The following OAS2 variants were observed in gnomAD, a reference collection of about 807,000 sequenced individuals.
OAS2 encodes the protein 2'-5'-oligoadenylate synthetase 2.
OAS2 carries 67 observed loss-of-function variants against 71.3 expected under a neutral mutation model. That is an observed-to-expected ratio of 0.94 (90% CI 0.77 to 1.15). OAS2 has a LOEUF of 1.15. Ranked by LOEUF, OAS2 falls within the 50% of genes most tolerant of loss-of-function variation. The pLI is 0.00. For missense variants in OAS2, 789 were observed against 822.5 expected, an observed-to-expected ratio of 0.96 and a Z score of 0.50; for synonymous variants, 327 against 321.8, an observed-to-expected ratio of 1.02 and a Z score of -0.17.
In OAS2 at chr12:112,978,596, CCA is replaced by C; in HGVS notation, c.-12_-11del. On this transcript the variant is annotated 5_prime_UTR_variant, in exon 1 of 10. Transcript: ENST00000392583. The surrounding 1 kb of genome is among the most constrained non-coding windows in gnomAD (Gnocchi z 4.2). ...CTACCATTCACTGTCTTGCCGGCAG[CCA>C]GCTGAGAGCAATGGGAAATGGGGAG... The C allele has an allele frequency of 1.2e-5, 19 of 1,613,512 alleles. No homozygotes were observed. The highest frequency in any genetic ancestry group is 1.5e-5 in the Non-Finnish European group (18 of 1,179,696).
intron 7 of OAS2, among the ~76,000 whole-genome samples, chr12:113,005,930 A>AAAAAAAAAAAAAAAAAAAAAAAAAAAC (rs2044330312): frequency 8.3e-6 from 1 of 120,732 alleles, no homozygotes; most frequent in Non-Finnish European, 1.8e-5. Flanking sequence ...AAAAAAAAAA[A>AAAAAAAAAAAAAAAAAAAAAAAAAAAC]AAAAAAAAAA....
intron 1 of OAS2, among the ~76,000 whole-genome samples, chr12:112,980,580 T>C (rs1049322893): frequency 6.6e-6 from 1 of 152,204 alleles, no homozygotes; most frequent in African/African-American, 2.4e-5. Context: ...CCATTCTTTT[T>C]GTGTCTGAAT....
chr12:112,978,889 A>G lies in OAS2; in HGVS notation c.177+104A>G. ...GGTGCCTATTATGTGCGAGGCCCAC[A>G]CTTGGGTGGGATGTGGTGTAGGAGT... On this transcript the variant is annotated intron_variant, in intron 1 of 9. Transcript: ENST00000392583. This position sits in a 1 kb window ranked among gnomAD's most constrained non-coding sequence, Gnocchi z 4.2. 3.7e-6 allele frequency: 4 copies of G among 1,092,904 alleles called. No homozygotes were observed. Among genetic ancestry groups the G allele is most frequent in the Non-Finnish European group, 5.2e-6 (4 of 768,744 alleles). The allele number at this position is 1,092,904 out of a possible 1,614,324, so 67.7% of individuals were successfully genotyped here.
In OAS2 at chr12:113,009,291, T is replaced by C. The variant is rs754610429; in HGVS notation, c.*36T>C. On this transcript the variant is annotated 3_prime_UTR_variant, in exon 10 of 10. Transcript: ENST00000392583. ...GTCTGGAAATAGCCCTGTAACAGGCTTGAATCAAAGAACTTCTCCTACTGT... is the reference window on the plus strand; with the variant it reads ...GTCTGGAAATAGCCCTGTAACAGGCCTGAATCAAAGAACTTCTCCTACTGT... The C allele has an allele frequency of 4.4e-6, 7 of 1,602,272 alleles. No homozygotes were observed. The highest frequency in any genetic ancestry group is 5.1e-6 in the Non-Finnish European group (6 of 1,174,698).
Position 112,978,671 on chromosome 12 carries a change from GGAATACCT to G in OAS2, c.67_74del (p.Tyr23AlafsTer18), listed in dbSNP as rs1037026002. The G allele has an allele frequency of 6.2e-7, 1 of 1,614,046 alleles. No homozygotes were observed. Among genetic ancestry groups the G allele is most frequent in the African/African-American group, 1.3e-5 (1 of 74,926 alleles). On this transcript the variant is annotated frameshift_variant, in exon 1 of 10. Transcript: ENST00000392583. LOFTEE classifies it high-confidence loss of function. This position sits in a 1 kb window ranked among gnomAD's most constrained non-coding sequence, Gnocchi z 4.2. Reference sequence around the variant, plus strand: ...CTCAGAAGCTGGGTTGGTTTATCCAGGAATACCTGAAGCCCTACGAAGAATGTCAGACA... The same window carrying G: ...CTCAGAAGCTGGGTTGGTTTATCCAGGAAGCCCTACGAAGAATGTCAGACA...
rs777530828 is a variant in OAS2, at chr12:113,006,592, T to C, written c.1648T>C (p.Tyr550His). 2.7e-5 allele frequency: 44 copies of C among 1,603,310 alleles called. No individual in the cohort carries two copies. The highest frequency in any genetic ancestry group is 3.8e-5 in the Non-Finnish European group (44 of 1,171,816). ...TTTAATTCGCCTGGTGAAGCACTGG[T>C]ACAAAGAGGTAAGGACAGTCTTTGT... ...KDLIRLVKHW[Y>H]KECERKLKPK... Residue 550 changes from tyrosine to histidine, a missense_variant, in exon 8 of 10, where the codon TAC becomes CAC. Coordinates refer to ENST00000392583, the MANE Select transcript of OAS2 (RefSeq NM_002535.3).
At position 113,009,175 on chromosome 12, in the gene OAS2, G is replaced by T. The variant is rs1474493721; in HGVS notation, c.1984G>T (p.Glu662Ter). The change falls in exon 10 of 10, where the codon GAA becomes TAA. Residue 662 changes from glutamate to a stop codon, truncating the protein, a stop_gained. Coordinates refer to ENST00000392583, the MANE Select transcript of OAS2 (RefSeq NM_002535.3). LOFTEE classifies it low-confidence loss of function (END_TRUNC). ...CWHLLAKEAK[E>*]WLSSPCFKDG... ...GCATCTTCTGGCAAAAGAAGCAAAG[G>T]AATGGTTATCCTCTCCCTGCTTCAA... The T allele has an allele frequency of 6.2e-7, 1 of 1,614,004 alleles. No homozygotes were observed. The highest frequency in any genetic ancestry group is 1.3e-5 in the African/African-American group (1 of 74,910).
At chr12:112,996,831 A>G (rs2044236930) in intron 3 of OAS2, among the ~76,000 whole-genome samples, 1 of 152,036 alleles carries the variant, frequency 6.6e-6, no homozygotes, top group Non-Finnish European at 1.5e-5. Flanking sequence ...GATGGGTGAA[A>G]TGGGCGAAGC....
intron 7 of OAS2, 35 bp downstream of exon 7, chr12:113,005,257 G>C (rs556217919): frequency 6.3e-6 from 10 of 1,588,552 alleles, no homozygotes. Flanking sequence ...GGAAGTGATG[G>C]TGGACAGAAG....
Position 112,979,977 on chromosome 12 carries a change from A to G in OAS2, c.177+1192A>G, listed in dbSNP as rs377300618. On this transcript the variant is annotated intron_variant, in intron 1 of 9. Coordinates refer to ENST00000392583, the MANE Select transcript of OAS2 (RefSeq NM_002535.3). ...GGGTGAACCCTACATAAATGGCATC[A>G]TGGGCTCTGTGTGCTTTAGTGCGTG... is the stretch of plus-strand genomic sequence containing the variant. 3.9e-5 allele frequency among the ~76,000 whole-genome samples: 6 copies of G among 152,330 alleles called. No individual in the cohort carries two copies. The South Asian group carries it at 8.3e-4, about 21-fold the overall frequency.
At chr12:113,008,691 T>C (rs535067337) in intron 9 of OAS2, among the ~76,000 whole-genome samples, 1 of 152,346 alleles carries the variant, frequency 6.6e-6, no homozygotes, top group Admixed American at 6.5e-5. Flanking sequence ...AGTGGCACAA[T>C]CTCAGCTCAC....
Position 112,998,015 on chromosome 12 carries a change from A to C in OAS2, c.864-251A>C, listed in dbSNP as rs537380165. Among the ~76,000 whole-genome samples the C allele has an allele frequency of 3.9e-5, 6 of 152,304 alleles. No homozygotes were observed. In the East Asian group the frequency reaches 9.6e-4, roughly 24 times the overall value. On this transcript the variant is annotated intron_variant, in intron 4 of 9. Coordinates refer to ENST00000392583, the MANE Select transcript of OAS2 (RefSeq NM_002535.3). ...TTCCCCTTATAGAAGGAAGGAGCTA[A>C]GAGAGAAAGGGGATGGGGGGCAGGA...
intron 8 of OAS2, 104 bp downstream of exon 8, chr12:113,006,704 C>T (rs1156543258): frequency 2.0e-6 from 2 of 1,003,920 alleles, no homozygotes; most frequent in East Asian, 2.5e-5. Flanking sequence ...GGCTGAGCCA[C>T]TTTGGAGAAT....
At chr12:112,979,268 A>G (rs1418463114) in intron 1 of OAS2, among the ~76,000 whole-genome samples, 2 of 152,162 alleles carry the variant, frequency 1.3e-5, no homozygotes, top group Non-Finnish European at 2.9e-5. Flanking sequence ...CACAAATCTC[A>G]GGACTGAGGC....
intron 5 of OAS2, among the ~76,000 whole-genome samples, chr12:113,001,926 T>C (rs1297826628): frequency 6.9e-6 from 1 of 144,568 alleles, no homozygotes; most frequent in East Asian, 2.0e-4. Context: ...TCCCAGCTAC[T>C]CAGGAGACTG....
At chr12:113,001,239 A>T (rs986207144) in intron 5 of OAS2, among the ~76,000 whole-genome samples, 3 of 151,934 alleles carry the variant, frequency 2.0e-5, no homozygotes, top group Non-Finnish European at 2.9e-5. Context: ...AGGCAGGACG[A>T]TCACTTGAGC....
chr12:112,998,851 T>G (rs1000758190), intron 5 of OAS2, among the ~76,000 whole-genome samples: 2 of 152,226 alleles, frequency 1.3e-5, no homozygotes, highest in Non-Finnish European at 2.9e-5. Flanking sequence ...TGACCTAATC[T>G]TCACTAGATC....
chr12:112,993,482 C>A (rs1449881556), intron 2 of OAS2, among the ~76,000 whole-genome samples: 1 of 152,206 alleles, frequency 6.6e-6, no homozygotes. Context: ...TTCCGTCAAC[C>A]TCCCTGCATG....
In OAS2 at chr12:113,009,582, C is replaced by T; in HGVS notation, c.*327C>T. 1.9e-6 allele frequency: 2 copies of T among 1,042,838 alleles called. No individual in the cohort carries two copies. Among genetic ancestry groups the T allele is most frequent in the Non-Finnish European group, 2.3e-6 (2 of 867,542 alleles). The allele number at this position is 1,042,838 out of a possible 1,614,324, so 64.6% of individuals were successfully genotyped here. The stretch of plus-strand genomic sequence containing the variant: ...TCTTTCTGCCTTTGGCTTTTGGCTC[C>T]ACCCTCTTTAGCTGTTAATTTGAGT... On this transcript the variant is annotated 3_prime_UTR_variant, in exon 10 of 10. Transcript: ENST00000392583.
Sources: gnomAD v4.1 joint callset for allele counts (sites outside exome capture counted in the v4.1 genomes callset) on GRCh38, gnomAD v4.1.1 for gene constraint, Gnocchi (gnomAD v3.1) non-coding constraint, MANE v1.5 for transcripts, NCBI Gene and HGNC (gene_info 2026-07-23, HGNC 2026-07-21) for gene names.